FAM167A: variants seen among roughly 807,000 people sequenced by gnomAD.
FAM167A encodes family with sequence similarity 167 member A, also known as protein FAM167A.
Under a neutral mutation model 14.9 loss-of-function variants are expected in FAM167A, and 23 were observed. The observed-to-expected ratio is 1.55, with a 90% CI of 1.11 to 2.19. The LOEUF is 2.19. Among genes scored for constraint, FAM167A ranks in the 30% most tolerant of loss-of-function variants. The pLI is 0.00. For missense variants in FAM167A, 401 were observed against 281.5 expected (o/e 1.42, Z -3.04); for synonymous variants, 174 against 117.7 (o/e 1.48, Z -3.10).
intron 2 of FAM167A, among the ~76,000 whole-genome samples, chr8:11,426,349 G>A (rs1313557017): frequency 6.6e-6 from 1 of 152,146 alleles, no homozygotes; most frequent in Non-Finnish European, 1.5e-5. Flanking sequence ...CACCTAGGGC[G>A]AGCTTTCTCA....
In FAM167A at chr8:11,421,682, A is replaced by C. The variant is rs979433051; in HGVS notation, c.*2691T>G. 5 of 398,846 alleles carry C rather than the reference A, an allele frequency of 1.3e-5. No individual in the cohort carries two copies. The Admixed American group carries it at 2.2e-4, about 18-fold the overall frequency. 24.7% of individuals were successfully genotyped at this position (398,846 alleles called of 1,614,324 possible). A position where few individuals can be genotyped will look rare whatever the true frequency, so the allele number is the denominator to read the frequency against. On this transcript the variant is annotated 3_prime_UTR_variant, in exon 3 of 3. Coordinates refer to ENST00000284486, the MANE Select transcript of FAM167A (RefSeq NM_053279.3). ...GGCCCTCCAGGCCTCTTTGATAGCTACTGAGCCCCTGAAGGCATCAAGACA... is the reference window on the plus strand; with the variant it reads ...GGCCCTCCAGGCCTCTTTGATAGCTCCTGAGCCCCTGAAGGCATCAAGACA...
Position 11,444,246 on chromosome 8 carries a change from G to C in FAM167A, c.166C>G (p.His56Asp). ...GCCGGCCTCGGGAAGGGCCAGGTAT[G>C]CTCCTCCAGCCTGGCCTGCCATTCC... ...YLEWQARLEE[H>D]TWPFPRPAAE... Residue 56 changes from histidine (H) to aspartate (D), a missense_variant, in exon 2 of 3, where the codon CAT becomes GAT. Coordinates refer to ENST00000284486, the MANE Select transcript of FAM167A (RefSeq NM_053279.3). 6.2e-7 allele frequency: 1 copy of C among 1,611,216 alleles called. No homozygotes were observed.
chr8:11,456,498 TGTGTGA>T (rs1277345964), intron 1 of FAM167A, among the ~76,000 whole-genome samples: 2 of 122,388 alleles, frequency 1.6e-5, no homozygotes, highest in African/African-American at 3.2e-5. Flanking sequence ...CCCTGATGGG[TGTGTGA>T]GTGTGAGTGT....
chr8:11,442,009 A>G (rs895265980), intron 2 of FAM167A, among the ~76,000 whole-genome samples: 1 of 152,256 alleles, frequency 6.6e-6, no homozygotes, highest in Non-Finnish European at 1.5e-5. Flanking sequence ...GAGGAGCGGA[A>G]ACAGTGCAAA....
At chr8:11,440,054 C>G (rs1322644598) in intron 2 of FAM167A, among the ~76,000 whole-genome samples, 1 of 152,228 alleles carries the variant, frequency 6.6e-6, no homozygotes, top group Non-Finnish European at 1.5e-5. Context: ...CCCACCCAGG[C>G]TACTCGGCTG....
At chr8:11,434,967 C>A in intron 2 of FAM167A, 1 of 451,618 alleles carries the variant, frequency 2.2e-6, no homozygotes. Flanking sequence ...CTGGCACCCA[C>A]CCCTGCATTT....
chr8:11,462,276 C>T (rs969094644), intron 1 of FAM167A, among the ~76,000 whole-genome samples: 3 of 152,220 alleles, frequency 2.0e-5, no homozygotes, highest in African/African-American at 7.2e-5. Flanking sequence ...GGTTGGTTGA[C>T]AGCCAGCCTG....
At chr8:11,428,846 T>A (rs913842376) in intron 2 of FAM167A, among the ~76,000 whole-genome samples, 8 of 152,032 alleles carry the variant, frequency 5.3e-5, no homozygotes, top group African/African-American at 1.9e-4. Flanking sequence ...GATTAGGAGG[T>A]CACTCTGCTG....
exon 1 of FAM167A, among the ~76,000 whole-genome samples, chr8:11,475,888 G>A (rs1478886): frequency 0.034 from 5,238 of 152,162 alleles, 195 homozygotes; most frequent in African/African-American, 0.097. Flanking sequence ...AGACCTCTTG[G>A]TTATCCTCCC....
rs376264572 is a variant in FAM167A at position 11,444,242 on chromosome 8, G to T, written c.170C>A (p.Thr57Asn). The T allele has an allele frequency of 1.2e-6, 2 of 1,611,802 alleles. No individual in the cohort carries two copies. Among genetic ancestry groups the T allele is most frequent in the East Asian group, 2.2e-5 (1 of 44,838 alleles). Residue 57 changes from threonine (T) to asparagine (N), a missense_variant, in exon 2 of 3, where the codon ACC (threonine) becomes AAC (asparagine). Thr to Asn is a moderately conservative substitution (Grantham distance 65). Coordinates refer to ENST00000284486, the MANE Select transcript of FAM167A (RefSeq NM_053279.3). The part of the protein sequence containing the change: ...LEWQARLEEH[T>N]WPFPRPAAEP... The stretch of plus-strand genomic sequence containing the variant: ...CGCAGCCGGCCTCGGGAAGGGCCAG[G>T]TATGCTCCTCCAGCCTGGCCTGCCA...
chr8:11,467,420 G>A (rs1807817534), upstream of FAM167A: 1 of 152,800 alleles, frequency 6.5e-6, no homozygotes, highest in Admixed American at 6.5e-5. Flanking sequence ...GAGCTGCCCG[G>A]ACCGCAGGTC....
chr8:11,462,920 G>A (rs1807596076), intron 1 of FAM167A, among the ~76,000 whole-genome samples: 1 of 152,196 alleles, frequency 6.6e-6, no homozygotes, highest in Admixed American at 6.5e-5. Context: ...TATTCAAGAT[G>A]TGTGGGTTGG....
chr8:11,424,734 A>C, intron 2 of FAM167A, 98 bp from the exon 3 acceptor site: 1 of 1,479,306 alleles, frequency 6.8e-7, no homozygotes, highest in Non-Finnish European at 9.1e-7. Flanking sequence ...GTCTTAGTTC[A>C]TTAAGTGGTC....
chr8:11,469,051 C>A (rs1416481860), upstream of FAM167A, among the ~76,000 whole-genome samples: 3 of 152,080 alleles, frequency 2.0e-5, no homozygotes, highest in Non-Finnish European at 2.9e-5. Context: ...TGGTATGTAG[C>A]CATAGAAATA....
Position 11,445,625 on chromosome 8 carries a change from G to C in FAM167A, c.-397-817C>G, listed in dbSNP as rs991650464. On this transcript the variant is annotated intron_variant, in intron 1 of 2. Transcript: ENST00000284486. The stretch of plus-strand genomic sequence containing the variant: ...CTGATGTGGCCTCCCCATCTCCAGA[G>C]AGGAGGCATAAGCCCCAGCTCCTAC... The C allele has an allele frequency of 2.2e-5, 22 of 985,236 alleles. No homozygotes were observed. In the Admixed American group the frequency reaches 2.5e-4, roughly 11 times the overall value. 61.0% of individuals were successfully genotyped at this position (985,236 alleles called of 1,614,324 possible).
intron 2 of FAM167A, among the ~76,000 whole-genome samples, chr8:11,428,744 C>G (rs1170538622): frequency 6.6e-6 from 1 of 152,218 alleles, no homozygotes; most frequent in East Asian, 1.9e-4. Flanking sequence ...TGCGGGAGCC[C>G]TGGCTGTGCT....
chr8:11,456,061 C>CTG (rs1314777056), intron 1 of FAM167A, among the ~76,000 whole-genome samples: 2 of 94,184 alleles, frequency 2.1e-5, no homozygotes, highest in Admixed American at 1.2e-4. Flanking sequence ...GGTTGCCTTG[C>CTG]TGTGTGTGAG....
intron 2 of FAM167A, among the ~76,000 whole-genome samples, chr8:11,431,306 G>A (rs1044281568): frequency 1.6e-4 from 24 of 152,230 alleles, no homozygotes; most frequent in African/African-American, 4.1e-4. Context: ...GCCAAATACC[G>A]TAGGATTCCA....
intron 2 of FAM167A, among the ~76,000 whole-genome samples, chr8:11,425,142 TTC>T (rs376708813): frequency 9.9e-4 from 150 of 151,592 alleles, no homozygotes; most frequent in Middle Eastern, 6.8e-3. Flanking sequence ...CCTGAAATAT[TTC>T]TTAGTAAAGT....
Sources: allele counts gnomAD v4.1 joint callset (sites outside exome capture counted in the v4.1 genomes callset), GRCh38; gene constraint gnomAD v4.1.1; transcripts MANE v1.5; gene names NCBI Gene and HGNC (gene_info 2026-07-23, HGNC 2026-07-21).